RGMB: variants seen among roughly 807,000 people sequenced by gnomAD.
RGMB encodes repulsive guidance molecule BMP co-receptor b.
RGMB carries 16 observed loss-of-function variants against 26.9 expected under a neutral mutation model. That is an observed-to-expected ratio of 0.60 (90% CI 0.40 to 0.90). RGMB has a LOEUF of 0.90. Among genes scored for constraint, RGMB ranks in the 40% least tolerant of loss-of-function variants. The pLI is 0.00. For synonymous variants in RGMB, 225 were observed against 229.3 expected, an observed-to-expected ratio of 0.98 and a Z score of 0.17; for missense variants, 512 against 573.3, an observed-to-expected ratio of 0.89 and a Z score of 1.09.
rs1746303673 is a variant in RGMB at position 98,774,204 on chromosome 5, C to A, written c.134C>A (p.Ala45Glu). Residue 45 changes from alanine to glutamate, a missense_variant and splice_region_variant, in exon 1 of 3, where the codon GCA becomes GAA. Physicochemically the swap from Ala to Glu is moderately radical, Grantham distance 107. Transcript: ENST00000513185. ...CTGTTCAGCCTCGGGCTGCTCCACG[C>A]AGGTAGGACGGGAGCGCGCGAGGGG... ...LLLFSLGLLH[A>E]GDCQQPAQCR... 2.7e-6 allele frequency: 4 copies of A among 1,471,046 alleles called. No homozygotes were observed. Among genetic ancestry groups the A allele is most frequent in the Non-Finnish European group, 2.7e-6 (3 of 1,119,624 alleles). The allele number at this position is 1,471,046 out of a possible 1,614,324, so 91.1% of individuals were successfully genotyped here. A position where few individuals can be genotyped will look rare whatever the true frequency, so the allele number is the denominator to read the frequency against.
At position 98,793,530 on chromosome 5, in the gene RGMB, T is replaced by C. The variant is rs1747012147; in HGVS notation, c.1091T>C (p.Val364Ala). The C allele has an allele frequency of 6.2e-7, 1 of 1,614,030 alleles. No individual in the cohort carries two copies. Among genetic ancestry groups the C allele is most frequent in the Non-Finnish European group, 8.5e-7 (1 of 1,179,900 alleles). ...ANTQCHEKMP[V>A]KDIYFQSCVF... ...ACTCAATGCCATGAGAAGATGCCAG[T>C]GAAGGACATCTATTTCCAGTCCTGT... is the stretch of plus-strand genomic sequence containing the variant. The change falls in exon 3 of 3, where the codon GTG becomes GCG. Residue 364 changes from valine to alanine, a missense_variant. Val to Ala is a moderately conservative substitution (Grantham distance 64, BLOSUM62 0). Transcript: ENST00000513185.
At chr5:98,785,955 T>A (rs1746756023) in intron 2 of RGMB, among the ~76,000 whole-genome samples, 2 of 152,180 alleles carry the variant, frequency 1.3e-5, no homozygotes, top group Admixed American at 1.3e-4. Flanking sequence ...TTCAGTAAAT[T>A]GCCTGGAGGT....
intron 1 of RGMB, among the ~76,000 whole-genome samples, chr5:98,776,266 A>G (rs949396960): frequency 2.0e-5 from 3 of 152,252 alleles, no homozygotes; most frequent in African/African-American, 7.2e-5. Context: ...CTGATCACAG[A>G]TAATCTGACC....
Position 98,793,853 on chromosome 5 carries a change from C to A in RGMB, c.*100C>A. 2.2e-6 allele frequency: 2 copies of A among 909,048 alleles called. No homozygotes were observed. The highest frequency in any genetic ancestry group is 3.2e-6 in the Non-Finnish European group (2 of 619,846). The allele number at this position is 909,048 out of a possible 1,614,324, so 56.3% of individuals were successfully genotyped here. ...GAGTAAAAGAGTATATATGTATATACCATGTATATGACAGGATGTTTGTCC... is the reference window on the plus strand; with the variant it reads ...GAGTAAAAGAGTATATATGTATATAACATGTATATGACAGGATGTTTGTCC... On this transcript the variant is annotated 3_prime_UTR_variant, in exon 3 of 3. Coordinates refer to ENST00000513185, the MANE Select transcript of RGMB (RefSeq NM_001366508.1).
chr5:98,775,387 G>A (rs1561436994), intron 1 of RGMB, among the ~76,000 whole-genome samples: 1 of 152,176 alleles, frequency 6.6e-6, no homozygotes, highest in Non-Finnish European at 1.5e-5. Context: ...TAATAAAAAA[G>A]TGTAATAGAA....
chr5:98,779,021 A>AT (rs891255627), intron 1 of RGMB, among the ~76,000 whole-genome samples: 125 of 147,074 alleles, frequency 8.5e-4, no homozygotes, highest in Middle Eastern at 3.6e-3. Context: ...CAGTACCTGG[A>AT]TTTTTTTTTT....
intron 1 of RGMB, among the ~76,000 whole-genome samples, chr5:98,777,935 T>C (rs2112346059): frequency 2.0e-5 from 3 of 152,316 alleles, no homozygotes; most frequent in Middle Eastern, 6.8e-3. Context: ...CTATATAGTA[T>C]TTTCCCCTTT....
upstream of RGMB, among the ~76,000 whole-genome samples, chr5:98,771,460 C>T (rs1229122566): frequency 6.6e-6 from 1 of 152,188 alleles, no homozygotes; most frequent in East Asian, 1.9e-4. Context: ...AATTCCTGAT[C>T]TTGTGAACAG....
intron 1 of RGMB, among the ~76,000 whole-genome samples, chr5:98,774,508 G>C (rs1746325234): frequency 6.6e-6 from 1 of 152,222 alleles, no homozygotes; most frequent in Non-Finnish European, 1.5e-5. Context: ...GGGGCCGCGC[G>C]CCCGAGACAA....
rs559349209 is a variant in RGMB, at chr5:98,776,273, G to A, written c.136+2067G>A. Among the ~76,000 whole-genome samples, 6 of 152,302 alleles carry A rather than the reference G, an allele frequency of 3.9e-5. No homozygotes were observed. The East Asian group carries it at 1.2e-3, about 29-fold the overall frequency. On this transcript the variant is annotated intron_variant, in intron 1 of 2. Transcript: ENST00000513185. ...CTGTCACACTGATCACAGATAATCT[G>A]ACCCAAAAATAGAGAAATCTGTAGC... is the stretch of plus-strand genomic sequence containing the variant.
intron 2 of RGMB, among the ~76,000 whole-genome samples, chr5:98,790,273 C>A (rs911998137): frequency 6.6e-6 from 1 of 152,202 alleles, no homozygotes; most frequent in East Asian, 1.9e-4. Flanking sequence ...AATCAATTCA[C>A]CCCCCTCAGC....
At chr5:98,791,263 G>T (rs1202113155) in intron 2 of RGMB, among the ~76,000 whole-genome samples, 2 of 152,204 alleles carry the variant, frequency 1.3e-5, no homozygotes, top group Non-Finnish European at 2.9e-5. Context: ...CTGGCTTTTA[G>T]TTGCAGCTGC....
At chr5:98,778,252 A>C (rs1029691727) in intron 1 of RGMB, among the ~76,000 whole-genome samples, 3 of 152,214 alleles carry the variant, frequency 2.0e-5, no homozygotes, top group African/African-American at 7.2e-5. Flanking sequence ...CTAAATTTTA[A>C]GTCTTTATCA....
intron 2 of RGMB, chr5:98,781,220 A>G (rs776720452): frequency 6.6e-6 from 1 of 152,152 alleles, no homozygotes; most frequent in African/African-American, 2.4e-5. Context: ...ACCTCGGGAG[A>G]TATCTGCAGA....
chr5:98,777,086 CAA>C (rs796290643), intron 1 of RGMB, among the ~76,000 whole-genome samples: 17 of 95,174 alleles, frequency 1.8e-4, no homozygotes, highest in Admixed American at 3.5e-4. Context: ...GACTCCGTCT[CAA>C]AAAAAAAAAA....
chr5:98,781,899 C>T (rs1402221531), intron 2 of RGMB, among the ~76,000 whole-genome samples: 1 of 152,132 alleles, frequency 6.6e-6, no homozygotes, highest in Non-Finnish European at 1.5e-5. Flanking sequence ...CATTTTATTT[C>T]AGTTGAATTC....
chr5:98,792,577 T>G (rs1164344718), intron 2 of RGMB, among the ~76,000 whole-genome samples: 3 of 49,656 alleles, frequency 6.0e-5, no homozygotes, highest in Non-Finnish European at 7.7e-5. Flanking sequence ...ACCTCCACCA[T>G]CCCCCCCGCC....
In RGMB at chr5:98,774,511, C is replaced by G. The variant is rs1482304929; in HGVS notation, c.136+305C>G. Among the ~76,000 whole-genome samples, 7 of 152,206 alleles carry G rather than the reference C, an allele frequency of 4.6e-5. No homozygotes were observed. In the East Asian group the frequency reaches 5.8e-4, roughly 13 times the overall value. ...ATTTAGCGGGCGGGGGCCGCGCGCCCGAGACAAATGTTCCGGATGCTTTAT... is the reference window on the plus strand; with the variant it reads ...ATTTAGCGGGCGGGGGCCGCGCGCCGGAGACAAATGTTCCGGATGCTTTAT... On this transcript the variant is annotated intron_variant, in intron 1 of 2. Transcript: ENST00000513185.
At chr5:98,790,249 C>T (rs374505161) in intron 2 of RGMB, among the ~76,000 whole-genome samples, 1 of 152,190 alleles carries the variant, frequency 6.6e-6, no homozygotes, top group African/African-American at 2.4e-5. Flanking sequence ...TCAGGAAACC[C>T]ACTCATGCTT....
Sources: gnomAD v4.1 joint callset for allele counts (sites outside exome capture counted in the v4.1 genomes callset) on GRCh38, gnomAD v4.1.1 for gene constraint, MANE v1.5 for transcripts, NCBI Gene and HGNC (gene_info 2026-07-23, HGNC 2026-07-21) for gene names.